ASAP3: variants seen among roughly 807,000 people sequenced by gnomAD.
ASAP3 encodes the protein ArfGAP with SH3 domain, ankyrin repeat and PH domain 3, also known as arf-GAP with SH3 domain, ANK repeat and PH domain-containing protein 3.
In ASAP3, 85 loss-of-function variants were observed where a neutral mutation model predicts 118.2. The observed-to-expected ratio is 0.72, with a 90% CI of 0.60 to 0.86. The LOEUF is 0.86. Ranked by LOEUF, ASAP3 falls within the 40% of genes least tolerant of loss-of-function variation. The pLI is 0.00. For missense variants in ASAP3, 1,026 were observed against 1,175.0 expected (o/e 0.87, Z 1.85); for synonymous variants, 432 against 477.4 (o/e 0.90, Z 1.24).
chr1:23,476,933 C>G (rs986792896), intron 1 of ASAP3, among the ~76,000 whole-genome samples: 14 of 151,580 alleles, frequency 9.2e-5, no homozygotes, highest in African/African-American at 3.4e-4. Context: ...CACTATGGTT[C>G]TATGGTAAAT....
intron 1 of ASAP3, among the ~76,000 whole-genome samples, chr1:23,460,658 C>T: frequency 6.6e-6 from 1 of 152,178 alleles, no homozygotes; most frequent in Non-Finnish European, 1.5e-5. Flanking sequence ...CTTCGGAAGA[C>T]AGTTTGACAG....
chr1:23,443,438 G>A (rs1640942321), intron 5 of ASAP3, among the ~76,000 whole-genome samples: 1 of 152,122 alleles, frequency 6.6e-6, no homozygotes, highest in East Asian at 1.9e-4. Context: ...TACTTATAAG[G>A]GAGAAAGAAC....
chr1:23,441,272 C>G, intron 9 of ASAP3, 61 bp from the exon 10 acceptor site: 4 of 1,599,614 alleles, frequency 2.5e-6, no homozygotes, highest in Non-Finnish European at 3.4e-6. Context: ...CCCCATTCTG[C>G]GGGGGCTCAC....
intron 3 of ASAP3, among the ~76,000 whole-genome samples, chr1:23,454,763 AGCGCTTACCATAAAGTAGGCACTAACTT>A (rs1296515917): frequency 1.1e-4 from 16 of 152,248 alleles, no homozygotes; most frequent in African/African-American, 3.9e-4. Flanking sequence ...ACATTTACTG[AGCGCTTACCATAAAGTAGGCACTAACTT>A]GCTTAATCCT....
chr1:23,474,858 C>T (rs1344808985), intron 1 of ASAP3, among the ~76,000 whole-genome samples: 1 of 152,198 alleles, frequency 6.6e-6, no homozygotes. Context: ...GCTGGGATTA[C>T]GGGTGTGGGC....
At chr1:23,467,945 C>A (rs1372125559) in intron 1 of ASAP3, among the ~76,000 whole-genome samples, 1 of 144,450 alleles carries the variant, frequency 6.9e-6, no homozygotes, top group Non-Finnish European at 1.5e-5. Flanking sequence ...GAGTGAGACT[C>A]CGTCTCAAAA....
chr1:23,456,192 G>C lies in ASAP3; in HGVS notation c.132C>G (p.Ile44Met). 1 of 1,613,970 alleles carries C rather than the reference G, an allele frequency of 6.2e-7. No homozygotes were observed. Among genetic ancestry groups the C allele is most frequent in the South Asian group, 1.1e-5 (1 of 91,064 alleles). The change falls in exon 2 of 25, where the codon ATC becomes ATG. Residue 44 changes from isoleucine to methionine, a missense_variant and splice_region_variant. Coordinates refer to ENST00000336689, the MANE Select transcript of ASAP3 (RefSeq NM_017707.4). ...YRGAALAREE[I>M]LEGDQAILQR... Reference sequence around the variant, plus strand: ...GCAGGATGGCTTGGTCTCCTTCCAAGATCTGGAAGCAAATGTGGACAGAGG... The same window carrying C: ...GCAGGATGGCTTGGTCTCCTTCCAACATCTGGAAGCAAATGTGGACAGAGG...
chr1:23,430,431 G>A (rs1443416519), intron 24 of ASAP3, among the ~76,000 whole-genome samples: 1 of 152,178 alleles, frequency 6.6e-6, no homozygotes, highest in Non-Finnish European at 1.5e-5. Context: ...TTGGAGACTT[G>A]GTGATTCAGC....
At chr1:23,481,402 A>G (rs1642302683) in intron 1 of ASAP3, among the ~76,000 whole-genome samples, 4 of 152,222 alleles carry the variant, frequency 2.6e-5, no homozygotes, top group Admixed American at 6.5e-5. Context: ...GAACTGGGGG[A>G]AAAAATTGCA....
chr1:23,474,938 C>T (rs1367897676), intron 1 of ASAP3, among the ~76,000 whole-genome samples: 1 of 152,198 alleles, frequency 6.6e-6, no homozygotes, highest in Admixed American at 6.5e-5. Flanking sequence ...TCAGGCAGCA[C>T]CTGCATGGGA....
chr1:23,429,839 T>TG lies in ASAP3; in HGVS notation c.*16dup, dbSNP rs1373112668. The TG allele has an allele frequency of 1.9e-6, 3 of 1,612,090 alleles. No homozygotes were observed. The highest frequency in any genetic ancestry group is 1.3e-5 in the African/African-American group (1 of 74,886). On this transcript the variant is annotated 3_prime_UTR_variant, in exon 25 of 25. Transcript: ENST00000336689. ...ACATTGGGGCCTAGCATGGGGCATGTGGGGGCCAGCAAGGAGCTAGTCTTG... is the reference window on the plus strand; with the variant it reads ...ACATTGGGGCCTAGCATGGGGCATGTGGGGGGCCAGCAAGGAGCTAGTCTTG...
intron 1 of ASAP3, among the ~76,000 whole-genome samples, chr1:23,462,903 C>T (rs1570390510): frequency 1.3e-5 from 2 of 152,178 alleles, no homozygotes; most frequent in Admixed American, 1.3e-4. Flanking sequence ...AAAACAGAGC[C>T]ATGTCTGCTT....
At chr1:23,451,667 C>T in intron 4 of ASAP3, 139 bp from the exon 5 acceptor site, 3 of 912,326 alleles carry the variant, frequency 3.3e-6, no homozygotes, top group Non-Finnish European at 5.2e-6. Context: ...GCCCCTGCCC[C>T]CACAGTCCTG....
At chr1:23,456,614 G>T (rs1464839777) in intron 1 of ASAP3, among the ~76,000 whole-genome samples, 4 of 152,222 alleles carry the variant, frequency 2.6e-5, no homozygotes, top group Non-Finnish European at 5.9e-5. Context: ...TTGTGGAGTT[G>T]CTGAGAAGAT....
intron 1 of ASAP3, among the ~76,000 whole-genome samples, chr1:23,476,256 G>A (rs962093215): frequency 6.6e-6 from 1 of 151,638 alleles, no homozygotes; most frequent in Admixed American, 6.6e-5. Context: ...TGAGGCAGGA[G>A]AATCGCTTGA....
intron 1 of ASAP3, among the ~76,000 whole-genome samples, chr1:23,472,936 G>A: frequency 6.6e-6 from 1 of 152,124 alleles, no homozygotes; most frequent in East Asian, 1.9e-4. Flanking sequence ...ACAGCCAATA[G>A]GAATTCAAAC....
In ASAP3 at chr1:23,456,029, G is replaced by C; in HGVS notation, c.203-3C>G. ...CTGCTCTTCATTCTCCACATGGCCT[G>C]TGGAGGTACAGACGGGAGCTTGGAG... is the stretch of plus-strand genomic sequence containing the variant. On this transcript the variant is annotated splice_polypyrimidine_tract_variant and splice_region_variant and intron_variant, in intron 2 of 24. Transcript: ENST00000336689. 1 of 1,614,154 alleles carries C rather than the reference G, an allele frequency of 6.2e-7. No homozygotes were observed. The highest frequency in any genetic ancestry group is 8.5e-7 in the Non-Finnish European group (1 of 1,179,998).
At chr1:23,434,691 A>G (rs565707272) in intron 17 of ASAP3, 73 bp from the exon 18 acceptor site, 5 of 1,411,368 alleles carry the variant, frequency 3.5e-6, no homozygotes, top group Non-Finnish European at 4.9e-6. Context: ...TCCCTCTTGA[A>G]CTCTTGCTAA....
At chr1:23,469,725 T>C (rs990132247) in intron 1 of ASAP3, among the ~76,000 whole-genome samples, 1 of 152,154 alleles carries the variant, frequency 6.6e-6, no homozygotes, top group Non-Finnish European at 1.5e-5. Context: ...GGCCTATTCC[T>C]CCCAACAACT....
Sources: gnomAD v4.1 joint callset for allele counts (sites outside exome capture counted in the v4.1 genomes callset) on GRCh38, gnomAD v4.1.1 for gene constraint, MANE v1.5 for transcripts, NCBI Gene and HGNC (gene_info 2026-07-23, HGNC 2026-07-21) for gene names.